BPIFB1: variants seen among roughly 807,000 people sequenced by gnomAD.
BPIFB1 encodes BPI fold containing family B member 1.
A neutral mutation model predicts 55.1 loss-of-function variants in BPIFB1; 34 were observed. The observed-to-expected ratio is 0.62, with a 90% CI of 0.47 to 0.82. BPIFB1 has a LOEUF of 0.82. Among genes scored for constraint, BPIFB1 ranks in the 40% least tolerant of loss-of-function variants. BPIFB1 has a pLI of 0.00. For missense variants in BPIFB1, 532 were observed against 593.1 expected, an observed-to-expected ratio of 0.90 and a Z score of 1.07; for synonymous variants, 236 against 245.3, an observed-to-expected ratio of 0.96 and a Z score of 0.35.
At chr20:33,304,137 G>C (rs1391181870) in intron 12 of BPIFB1, 112 bp downstream of exon 12, 1 of 914,598 alleles carries the variant, frequency 1.1e-6, no homozygotes, top group African/African-American at 1.7e-5. Flanking sequence ...GCGGCTCCAG[G>C]GTAGGCAGGG....
At chr20:33,291,863 T>A (rs948290914) in intron 5 of BPIFB1, 44 bp from the exon 6 acceptor site, 2 of 1,557,222 alleles carry the variant, frequency 1.3e-6, no homozygotes, top group South Asian at 2.2e-5. Flanking sequence ...GGGGTGATCA[T>A]CTCTGACCCT....
chr20:33,289,528 C>G (rs1390653115), intron 3 of BPIFB1, among the ~76,000 whole-genome samples: 1 of 152,084 alleles, frequency 6.6e-6, no homozygotes, highest in Admixed American at 6.5e-5. Context: ...CAAATGGCAT[C>G]CAGGTAGAAG....
At chr20:33,305,399 C>G (rs544504515) in intron 13 of BPIFB1, among the ~76,000 whole-genome samples, 75 of 144,240 alleles carry the variant, frequency 5.2e-4, no homozygotes, top group South Asian at 1.1e-3. Flanking sequence ...CTCACTGCAA[C>G]CTCCATCTCC....
chr20:33,306,936 G>A lies in BPIFB1; in HGVS notation c.1344G>A (p.Val448=). The change falls in exon 15 of 16, where the codon GTG becomes GTA. Residue 448 remains valine, a synonymous_variant. Transcript: ENST00000253354. ...GCAAATTAAGATCTGGGGTCCCAGT[G>A]TCATTGGTGAAGGCCTTGGGATTCG... ...QNGKLRSGVP[V]SLVKALGFEA... The A allele has an allele frequency of 6.2e-7, 1 of 1,614,208 alleles. No individual in the cohort carries two copies. The highest frequency in any genetic ancestry group is 1.7e-5 in the Admixed American group (1 of 60,032).
At chr20:33,302,631 C>T in intron 10 of BPIFB1, 1 of 652,078 alleles carries the variant, frequency 1.5e-6, no homozygotes, top group Non-Finnish European at 2.7e-6. Context: ...TAACACAGGA[C>T]AGGTTCTAGG....
In BPIFB1 at chr20:33,291,117, C is replaced by T; in HGVS notation, c.515+11C>T. 1.9e-6 allele frequency: 3 copies of T among 1,608,154 alleles called. No individual in the cohort carries two copies. The highest frequency in any genetic ancestry group is 2.5e-6 in the Non-Finnish European group (3 of 1,179,816). ...CCAACTGCTGCATAAGTGAGTGTCG[C>T]TGGCCACCAGCCGGGCTCCCATCCT... On this transcript the variant is annotated intron_variant, in intron 5 of 15. Transcript: ENST00000253354.
intron 7 of BPIFB1, among the ~76,000 whole-genome samples, chr20:33,299,533 C>G (rs1980777447): frequency 6.6e-6 from 1 of 152,198 alleles, no homozygotes. Context: ...CAGTTCCGTT[C>G]CAAACCGGGA....
At position 33,309,699 on chromosome 20, in the gene BPIFB1, C is replaced by T. The variant is rs746152103; in HGVS notation, c.1396-9C>T. 5 of 1,613,912 alleles carry T rather than the reference C, an allele frequency of 3.1e-6. No individual in the cohort carries two copies. The highest frequency in any genetic ancestry group is 1.6e-4 in the Middle Eastern group (1 of 6,062). On this transcript the variant is annotated splice_polypyrimidine_tract_variant and intron_variant, in intron 15 of 15. Transcript: ENST00000253354. The surrounding 1 kb of genome is among the most constrained non-coding windows in gnomAD (Gnocchi z 4.4). ...AACCTGTTTTCTGACTTTTCCCCTC[C>T]AATTCCAGGATGCCCTTGTGCTTAC...
intron 6 of BPIFB1, among the ~76,000 whole-genome samples, chr20:33,294,888 T>C (rs1473903282): frequency 6.6e-6 from 1 of 152,082 alleles, no homozygotes; most frequent in Non-Finnish European, 1.5e-5. Flanking sequence ...GCATAGCACG[T>C]TTAAGAGGTG....
chr20:33,299,839 A>C, intron 7 of BPIFB1, 60 bp from the exon 8 acceptor site: 2 of 1,211,898 alleles, frequency 1.7e-6, no homozygotes, highest in Non-Finnish European at 2.4e-6. Context: ...GCAGCCCCCC[A>C]ACTTCCCCCT....
intron 8 of BPIFB1, 148 bp downstream of exon 8, chr20:33,300,132 G>A (rs954918221): frequency 1.4e-6 from 1 of 699,028 alleles, no homozygotes; most frequent in Admixed American, 2.3e-5. Context: ...ACTGCAGGCT[G>A]AATATGTCCC....
chr20:33,302,830 A>G (rs1980895998), intron 10 of BPIFB1, 86 bp from the exon 11 acceptor site: 1 of 1,486,574 alleles, frequency 6.7e-7, no homozygotes, highest in Non-Finnish European at 9.2e-7. Flanking sequence ...GAGCCCAGGA[A>G]GGCAGGCAGG....
At chr20:33,305,945 T>G in intron 13 of BPIFB1, 57 bp from the exon 14 acceptor site, 2 of 1,584,842 alleles carry the variant, frequency 1.3e-6, no homozygotes, top group Non-Finnish European at 1.7e-6. Context: ...CGAAGAATGA[T>G]GGGGGGGAAC....
Position 33,303,089 on chromosome 20 carries a change from C to G in BPIFB1, c.1140+15C>G. The G allele has an allele frequency of 6.2e-7, 1 of 1,612,436 alleles. No individual in the cohort carries two copies. Among genetic ancestry groups the G allele is most frequent in the South Asian group, 1.1e-5 (1 of 91,004 alleles). ...CCCTGGGCATCGTGAGTTCAGTTGT[C>G]TGCGATATTGGCAGCAACCAGGGGG... On this transcript the variant is annotated intron_variant, in intron 11 of 15. Coordinates refer to ENST00000253354, the MANE Select transcript of BPIFB1 (RefSeq NM_033197.3).
At chr20:33,295,682 G>GAAAGAAAGAAAGAA (rs1568650131) in intron 6 of BPIFB1, among the ~76,000 whole-genome samples, 19 of 128,850 alleles carry the variant, frequency 1.5e-4, no homozygotes, top group African/African-American at 7.5e-4. Flanking sequence ...GAAAGAAAGA[G>GAAAGAAAGAAAGAA]AGAAAAAAAG....
At chr20:33,298,596 G>C (rs765072847) in intron 7 of BPIFB1, 1 of 150,542 alleles carries the variant, frequency 6.6e-6, no homozygotes, top group Non-Finnish European at 1.4e-5. Flanking sequence ...AACTCCATGA[G>C]GTGGCAGTCA....
At chr20:33,308,886 A>T (rs1981138327) in intron 15 of BPIFB1, among the ~76,000 whole-genome samples, 1 of 150,648 alleles carries the variant, frequency 6.6e-6, no homozygotes, top group South Asian at 2.1e-4. Context: ...CACCACACAC[A>T]TACACACATA....
intron 7 of BPIFB1, 110 bp from the exon 8 acceptor site, chr20:33,299,789 C>G (rs1257813288): frequency 3.7e-6 from 3 of 815,806 alleles, no homozygotes; most frequent in Non-Finnish European, 6.4e-6. Flanking sequence ...CTGCTCCTCC[C>G]TACCTGCCCC....
rs1980618307 is a variant in BPIFB1, at chr20:33,295,662, G to GAGAGAA, written c.598-1860_598-1859insGAAAGA. 8.1e-5 allele frequency among the ~76,000 whole-genome samples: 11 copies of GAGAGAA among 136,176 alleles called. No individual in the cohort carries two copies. In the South Asian group the frequency reaches 1.3e-3, roughly 16 times the overall value. The allele number at this position is 136,176 out of a possible 152,430, so 89.3% of individuals were successfully genotyped here. A position where few individuals can be genotyped will look rare whatever the true frequency, so the allele number is the denominator to read the frequency against. Reference sequence around the variant, plus strand: ...AGAGAGAAGAAGAAAGAAAGAAAGAGAGAAAGAAAGAAAGAAAGAGAGAAA... The same window carrying GAGAGAA: ...AGAGAGAAGAAGAAAGAAAGAAAGAGAGAGAAAGAAAGAAAGAAAGAAAGAGAGAAA... On this transcript the variant is annotated intron_variant, in intron 6 of 15. Transcript: ENST00000253354.
Sources: gnomAD v4.1 joint callset for allele counts (sites outside exome capture counted in the v4.1 genomes callset) on GRCh38, gnomAD v4.1.1 for gene constraint, Gnocchi (gnomAD v3.1) non-coding constraint, MANE v1.5 for transcripts, NCBI Gene and HGNC (gene_info 2026-07-23, HGNC 2026-07-21) for gene names.